FNDC3A: variants seen among roughly 807,000 people sequenced by gnomAD.
FNDC3A encodes the protein fibronectin type III domain containing 3A.
A neutral mutation model predicts 148.9 loss-of-function variants in FNDC3A; 32 were observed. The ratio of observed to expected loss-of-function variants is 0.21; its 90% CI spans 0.16 to 0.29. The LOEUF is 0.29. Among genes scored for constraint, FNDC3A ranks in the 10% least tolerant of loss-of-function variants. FNDC3A has a pLI of 1.00. For synonymous variants in FNDC3A, 472 were observed against 473.6 expected, an observed-to-expected ratio of 1.00 and a Z score of 0.04; for missense variants, 1,191 against 1,452.8, an observed-to-expected ratio of 0.82 and a Z score of 2.93.
chr13:49,196,080 CAAAA>C (rs71076070), intron 19 of FNDC3A, among the ~76,000 whole-genome samples: 2 of 71,602 alleles, frequency 2.8e-5, no homozygotes, highest in East Asian at 5.2e-4. Flanking sequence ...GACCTTGTCT[CAAAA>C]AAAAAAAAAA....
chr13:49,035,077 T>C (rs1486542973), intron 2 of FNDC3A, among the ~76,000 whole-genome samples: 1 of 151,998 alleles, frequency 6.6e-6, no homozygotes, highest in Non-Finnish European at 1.5e-5. Context: ...AGTCCTTATA[T>C]TTTTTTCTTT....
At chr13:49,161,054 T>TTGGAA (rs759431965) in intron 8 of FNDC3A, among the ~76,000 whole-genome samples, 3 of 152,212 alleles carry the variant, frequency 2.0e-5, no homozygotes, top group Non-Finnish European at 4.4e-5. Flanking sequence ...GTGGTCAGTT[T>TTGGAA]TGGAATAAGT....
chr13:49,089,208 A>G (rs925815576), intron 3 of FNDC3A, among the ~76,000 whole-genome samples: 2 of 152,232 alleles, frequency 1.3e-5, no homozygotes, highest in Non-Finnish European at 2.9e-5. Context: ...TTTTACCACA[A>G]TTTAAAAAAT....
chr13:49,106,726 C>G (rs1463297797), intron 3 of FNDC3A, among the ~76,000 whole-genome samples: 4 of 128,284 alleles, frequency 3.1e-5, no homozygotes, highest in Admixed American at 2.9e-4. Context: ...AGAACACTAT[C>G]TGGCACATTG....
At chr13:49,131,888 TTTAAACACTGCC>T (rs1278685274) in intron 5 of FNDC3A, among the ~76,000 whole-genome samples, 3 of 152,222 alleles carry the variant, frequency 2.0e-5, no homozygotes, top group African/African-American at 4.8e-5. Context: ...GTCCCATAGC[TTTAAACACTGCC>T]TTAAACAGTG....
At chr13:49,173,973 A>G (rs1884896524) in intron 11 of FNDC3A, among the ~76,000 whole-genome samples, 1 of 152,172 alleles carries the variant, frequency 6.6e-6, no homozygotes, top group South Asian at 2.1e-4. Flanking sequence ...AGAAGCGCCA[A>G]AAGTTTTATT....
intron 5 of FNDC3A, among the ~76,000 whole-genome samples, chr13:49,134,008 A>G (rs1030463325): frequency 5.3e-5 from 8 of 152,192 alleles, no homozygotes; most frequent in African/African-American, 1.4e-4. Context: ...TTTAGGTAAC[A>G]GTTCATCATT....
chr13:49,167,164 C>G (rs1884510929), intron 8 of FNDC3A, 80 bp from the exon 9 acceptor site: 10 of 753,286 alleles, frequency 1.3e-5, no homozygotes, highest in Non-Finnish European at 1.9e-5. Context: ...ATAAAATACT[C>G]TAAACTATAG....
intron 2 of FNDC3A, among the ~76,000 whole-genome samples, chr13:49,026,103 G>T (rs1249364165): frequency 6.6e-6 from 1 of 152,202 alleles, no homozygotes. Flanking sequence ...ATTTTATTGT[G>T]TGAATCTATA....
chr13:49,017,970 C>T lies in FNDC3A; in HGVS notation c.99+11681C>T, dbSNP rs138824679. ...CTTGTAGAGTTTCTGCCGAGAGATCCGCTGGTAGTCTGATGGGCTTCCCTT... is the reference window on the plus strand; with the variant it reads ...CTTGTAGAGTTTCTGCCGAGAGATCTGCTGGTAGTCTGATGGGCTTCCCTT... On this transcript the variant is annotated intron_variant, in intron 2 of 25. Transcript: ENST00000492622. Among the ~76,000 whole-genome samples the T allele has an allele frequency of 2.6e-3, 400 of 152,268 alleles. 10 individuals are homozygous for T. The East Asian group carries it at 0.042, about 16-fold the overall frequency.
intron 1 of FNDC3A, among the ~76,000 whole-genome samples, chr13:48,988,785 C>G (rs1951852827): frequency 6.7e-6 from 1 of 150,170 alleles, no homozygotes; most frequent in African/African-American, 2.5e-5. Flanking sequence ...CAGGAGCCTG[C>G]AGTGGGCCAT....
At chr13:49,045,004 C>T in intron 2 of FNDC3A, 1 of 318,348 alleles carries the variant, frequency 3.1e-6, no homozygotes, top group Non-Finnish European at 6.0e-6. Context: ...CAGAAATTCA[C>T]TGGCTCTCAT....
chr13:49,145,612 G>A (rs756238727), intron 7 of FNDC3A, among the ~76,000 whole-genome samples, 166 bp from the exon 8 acceptor site: 178 of 152,070 alleles, frequency 1.2e-3, no homozygotes, highest in Non-Finnish European at 1.8e-3. Context: ...ATTTGTTGTG[G>A]AACCCACAAC....
chr13:49,174,003 ATCTAGTTGGAAGTTTGGG>A (rs1884897742), intron 11 of FNDC3A, among the ~76,000 whole-genome samples: 1 of 152,140 alleles, frequency 6.6e-6, no homozygotes, highest in African/African-American at 2.4e-5. Flanking sequence ...TTTATGAGCT[ATCTAGTTGGAAGTTTGGG>A]CATGGGTAAG....
At chr13:49,126,194 C>T (rs1881683565) in intron 4 of FNDC3A, among the ~76,000 whole-genome samples, 2 of 151,938 alleles carry the variant, frequency 1.3e-5, no homozygotes, top group Non-Finnish European at 2.9e-5. Context: ...TAGTGGAGTT[C>T]ACCGTGCTCT....
intron 3 of FNDC3A, among the ~76,000 whole-genome samples, chr13:49,088,442 A>G (rs1249228771): frequency 6.6e-6 from 1 of 152,192 alleles, no homozygotes; most frequent in Non-Finnish European, 1.5e-5. Context: ...AACAGTAGTA[A>G]CTATTGTGAT....
chr13:49,044,174 A>G (rs1875173024), intron 2 of FNDC3A: 1 of 203,514 alleles, frequency 4.9e-6, no homozygotes, highest in African/African-American at 2.3e-5. Flanking sequence ...ATTCATTCTC[A>G]CTATTCTGAC....
chr13:49,197,065 T>G, intron 20 of FNDC3A, 75 bp downstream of exon 20: 1 of 879,880 alleles, frequency 1.1e-6, no homozygotes, highest in Non-Finnish European at 1.8e-6. Flanking sequence ...ATAAAGATAC[T>G]GTTCATTTTT....
Position 49,207,439 on chromosome 13 carries a change from A to C in FNDC3A, c.*44A>C. 1 of 1,202,132 alleles carries C rather than the reference A, an allele frequency of 8.3e-7. No individual in the cohort carries two copies. Among genetic ancestry groups the C allele is most frequent in the Non-Finnish European group, 1.2e-6 (1 of 855,080 alleles). The allele number at this position is 1,202,132 out of a possible 1,614,324, so 74.5% of individuals were successfully genotyped here. On this transcript the variant is annotated 3_prime_UTR_variant, in exon 26 of 26. Transcript: ENST00000492622. ...TAACTCTATTACATTTTATTTTGTC[A>C]TGTACTAAAATTATTTCTGTATTGC... is the stretch of plus-strand genomic sequence containing the variant.
Sources: gnomAD v4.1 joint callset for allele counts (sites outside exome capture counted in the v4.1 genomes callset) on GRCh38, gnomAD v4.1.1 for gene constraint, MANE v1.5 for transcripts, NCBI Gene and HGNC (gene_info 2026-07-23, HGNC 2026-07-21) for gene names.